Variants in PPFIA2 observed in about 807,000 individuals in gnomAD.
The protein encoded by PPFIA2 is PPFI scaffold protein A2.
Under a neutral mutation model 175.5 loss-of-function variants are expected in PPFIA2, and 46 were observed. The observed-to-expected ratio is 0.26, with a 90% CI of 0.21 to 0.34. The LOEUF is 0.34. Ranked by LOEUF, PPFIA2 falls within the 10% of genes least tolerant of loss-of-function variation. The pLI, the probability that PPFIA2 is intolerant of heterozygous loss-of-function variation, is 1.00. For missense variants in PPFIA2, 1,179 were observed against 1,506.1 expected, an observed-to-expected ratio of 0.78 and a Z score of 3.60; for synonymous variants, 568 against 511.4, an observed-to-expected ratio of 1.11 and a Z score of -1.49.
intron 27 of PPFIA2, among the ~76,000 whole-genome samples, chr12:81,278,970 T>C (rs2041345823): frequency 6.6e-6 from 1 of 152,158 alleles, no homozygotes. Context: ...GAAAGAAAAT[T>C]GCATTAGGCA....
rs768026528 is a variant in PPFIA2, at chr12:81,341,216, CA to C, written c.2263-9del. ...TTCTTCCACAACTGCAATCTAGAAG[CA>C]AAAACAATACATTCAAATAAACCCT... is the stretch of plus-strand genomic sequence containing the variant. On this transcript the variant is annotated splice_polypyrimidine_tract_variant and intron_variant, in intron 19 of 32. Transcript: ENST00000549396. 8.1e-6 allele frequency: 13 copies of C among 1,606,966 alleles called. 1 individual carries two copies. The Admixed American group carries it at 1.9e-4, about 23-fold the overall frequency.
intron 8 of PPFIA2, among the ~76,000 whole-genome samples, chr12:81,387,767 T>A (rs761285907): frequency 2.0e-5 from 3 of 152,148 alleles, no homozygotes; most frequent in Non-Finnish European, 4.4e-5. Context: ...TGACTGGCAA[T>A]TGGTTCCACC....
intron 10 of PPFIA2, among the ~76,000 whole-genome samples, chr12:81,375,006 G>T (rs904117470): frequency 6.6e-6 from 1 of 152,100 alleles, no homozygotes. Context: ...AAAAAGGAAA[G>T]AAATTACTCA....
At chr12:81,405,747 G>A (rs2042822149) in intron 8 of PPFIA2, 40 bp downstream of exon 8, 1 of 1,129,170 alleles carries the variant, frequency 8.9e-7, no homozygotes. Flanking sequence ...GATATAAGAA[G>A]TAAACATTTC....
In PPFIA2 at chr12:81,311,606, G is replaced by A. The variant is rs562730946; in HGVS notation, c.2643-12224C>T. 2.8e-3 allele frequency among the ~76,000 whole-genome samples: 426 copies of A among 151,824 alleles called. 3 individuals are homozygous for A. Among genetic ancestry groups the A allele is most frequent in the Non-Finnish European group, 3.7e-3 (253 of 67,904 alleles). Reference sequence around the variant, plus strand: ...AAATTAGCCAGGCGTGGTGGTGGGTGCCTGTAGTCCCAGCTACTCGGGAGG... The same window carrying A: ...AAATTAGCCAGGCGTGGTGGTGGGTACCTGTAGTCCCAGCTACTCGGGAGG... On this transcript the variant is annotated intron_variant, in intron 22 of 32. Transcript: ENST00000549396.
At chr12:81,496,664 A>G (rs886160544) in intron 4 of PPFIA2, among the ~76,000 whole-genome samples, 1 of 152,224 alleles carries the variant, frequency 6.6e-6, no homozygotes, top group Non-Finnish European at 1.5e-5. Context: ...GCTTTAATAT[A>G]CAAGATCAGA....
chr12:81,667,017 T>C (rs951470741), intron 4 of PPFIA2, among the ~76,000 whole-genome samples: 1 of 152,118 alleles, frequency 6.6e-6, no homozygotes, highest in African/African-American at 2.4e-5. Context: ...TAAATTGTAG[T>C]CTGAACTGAC....
chr12:81,340,832 T>C (rs1220181738), intron 20 of PPFIA2, among the ~76,000 whole-genome samples: 1 of 152,092 alleles, frequency 6.6e-6, no homozygotes, highest in Non-Finnish European at 1.5e-5. Context: ...CACTAAAAAA[T>C]AGAAGAGTTA....
intron 23 of PPFIA2, among the ~76,000 whole-genome samples, chr12:81,295,979 ACT>A (rs1673852279): frequency 6.6e-6 from 1 of 151,424 alleles, no homozygotes; most frequent in African/African-American, 2.4e-5. Flanking sequence ...ACAGAATGAG[ACT>A]CTGCCTCAAA....
intron 4 of PPFIA2, among the ~76,000 whole-genome samples, chr12:81,645,239 A>C (rs1010821884): frequency 1.4e-4 from 22 of 152,160 alleles, no homozygotes; most frequent in African/African-American, 5.1e-4. Context: ...GGAACTTTTA[A>C]AAAGAAATTG....
chr12:81,420,966 T>C (rs1207547983), intron 7 of PPFIA2, among the ~76,000 whole-genome samples: 2 of 152,004 alleles, frequency 1.3e-5, no homozygotes, highest in African/African-American at 4.8e-5. Flanking sequence ...AGACTATTAG[T>C]AGATTTCTCA....
At chr12:81,489,298 A>C (rs1286485906) in intron 4 of PPFIA2, among the ~76,000 whole-genome samples, 1 of 151,736 alleles carries the variant, frequency 6.6e-6, no homozygotes, top group African/African-American at 2.4e-5. Flanking sequence ...AATAGGTAAA[A>C]TATTCATAAT....
chr12:81,585,995 T>C (rs1253464918), intron 4 of PPFIA2, among the ~76,000 whole-genome samples: 1 of 152,030 alleles, frequency 6.6e-6, no homozygotes, highest in African/African-American at 2.4e-5. Flanking sequence ...ATGATGTCAC[T>C]TTGTGATAGA....
chr12:81,723,043 G>T (rs1039115611), intron 3 of PPFIA2, among the ~76,000 whole-genome samples: 1 of 150,964 alleles, frequency 6.6e-6, no homozygotes, highest in African/African-American at 2.4e-5. Context: ...AACCTCCTAT[G>T]ATCTGCCTAG....
At chr12:81,426,113 T>C (rs1426338078) in intron 7 of PPFIA2, among the ~76,000 whole-genome samples, 2 of 152,184 alleles carry the variant, frequency 1.3e-5, no homozygotes, top group East Asian at 3.9e-4. Flanking sequence ...GAGCTTTCTC[T>C]CCCAACTTCA....
chr12:81,421,865 T>C (rs959343450), intron 7 of PPFIA2, among the ~76,000 whole-genome samples: 10 of 151,940 alleles, frequency 6.6e-5, no homozygotes, highest in African/African-American at 2.4e-4. Context: ...AAGAAAGTTA[T>C]GTTATGCAAA....
intron 3 of PPFIA2, among the ~76,000 whole-genome samples, chr12:81,744,825 G>T (rs186718702): frequency 6.6e-6 from 1 of 152,284 alleles, no homozygotes; most frequent in East Asian, 1.9e-4. Flanking sequence ...TGAAGAAGAG[G>T]GCTCAGGGTA....
chr12:81,262,721 G>A (rs140505890), intron 31 of PPFIA2, among the ~76,000 whole-genome samples: 3 of 152,226 alleles, frequency 2.0e-5, no homozygotes, highest in African/African-American at 7.2e-5. Context: ...TGTGTTTTGT[G>A]TTTCTTTAAT....
intron 4 of PPFIA2, among the ~76,000 whole-genome samples, chr12:81,486,635 G>C (rs894570118): frequency 3.3e-5 from 5 of 151,728 alleles, no homozygotes; most frequent in African/African-American, 1.2e-4. Context: ...AAATCAGCTT[G>C]TCATTACATC....
Sources: allele counts gnomAD v4.1 joint callset (sites outside exome capture counted in the v4.1 genomes callset), GRCh38; gene constraint gnomAD v4.1.1; transcripts MANE v1.5; gene names NCBI Gene and HGNC (gene_info 2026-07-23, HGNC 2026-07-21).